The following PCA3 variants were observed in gnomAD, a reference collection of about 807,000 sequenced individuals.
PCA3 encodes Differential Display code 3.
At chr9:76,772,494 A>T (rs2053222433) in intron 2 of PCA3, among the ~76,000 whole-genome samples, 1 of 152,126 alleles carries the variant, frequency 6.6e-6, no homozygotes, top group African/African-American at 2.4e-5. Context: ...ACCAAAAATA[A>T]CCTTCTGTAG....
Position 76,764,742 on chromosome 9 carries a change from A to G in PCA3, n.852+28127A>G, listed in dbSNP as rs114644565. 2.0e-3 allele frequency among the ~76,000 whole-genome samples: 312 copies of G among 152,278 alleles called. 2 individuals carry two copies. Among genetic ancestry groups the G allele is most frequent in the African/African-American group, 7.3e-3 (305 of 41,558 alleles). ...CAGGGACACCAGTTAAGTTATTGCA[A>G]TGGTTAAGGTGAGAGGTGGTGGCTG... On this transcript the variant is annotated intron_variant and non_coding_transcript_variant, in intron 2 of 5. Coordinates refer to ENST00000644657, the Ensembl canonical transcript of PCA3.
chr9:76,765,116 C>A (rs561080235), intron 2 of PCA3, among the ~76,000 whole-genome samples: 2 of 152,144 alleles, frequency 1.3e-5, no homozygotes, highest in South Asian at 4.2e-4. Flanking sequence ...TTGTTGGGGG[C>A]GTGACATTAA....
At chr9:76,768,592 T>C (rs993737733) in intron 2 of PCA3, among the ~76,000 whole-genome samples, 9 of 115,156 alleles carry the variant, frequency 7.8e-5, no homozygotes, top group African/African-American at 3.7e-4. Flanking sequence ...TATGTGTGTG[T>C]GTGTGTGTGT....
At chr9:76,783,770 T>C (rs1242469928) in intron 2 of PCA3, 1 of 152,120 alleles carries the variant, frequency 6.6e-6, no homozygotes, top group Admixed American at 6.5e-5. Flanking sequence ...ATGGAGATAA[T>C]TAACATCACT....
At chr9:76,773,695 C>T (rs1184890368) in intron 2 of PCA3, among the ~76,000 whole-genome samples, 1 of 152,052 alleles carries the variant, frequency 6.6e-6, no homozygotes, top group East Asian at 1.9e-4. Flanking sequence ...CCACCTGACT[C>T]GGCCTCCCAA....
chr9:76,775,308 T>C (rs933825748), intron 2 of PCA3, among the ~76,000 whole-genome samples: 1 of 152,140 alleles, frequency 6.6e-6, no homozygotes, highest in Non-Finnish European at 1.5e-5. Flanking sequence ...CTTTGTCTTT[T>C]TTTTTTGAGA....
chr9:76,784,573 A>T (rs2054775284), intron 2 of PCA3: 1 of 152,192 alleles, frequency 6.6e-6, no homozygotes, highest in Non-Finnish European at 1.5e-5. Context: ...ATATCCAGCC[A>T]CACTCATTTT....
intron 2 of PCA3, among the ~76,000 whole-genome samples, chr9:76,773,503 G>GT (rs2053355255): frequency 6.8e-6 from 1 of 147,396 alleles, no homozygotes; most frequent in Non-Finnish European, 1.5e-5. Flanking sequence ...GAGTGCAGTG[G>GT]TGCAATCTTG....
At chr9:76,771,381 T>C (rs556178623) in intron 2 of PCA3, among the ~76,000 whole-genome samples, 8 of 152,280 alleles carry the variant, frequency 5.3e-5, no homozygotes, top group African/African-American at 1.7e-4. Flanking sequence ...CAAATATGAA[T>C]TATTTCTTCA....
intron 2 of PCA3, among the ~76,000 whole-genome samples, chr9:76,774,461 T>TTTTA (rs1564272749): frequency 1.7e-4 from 13 of 74,830 alleles, no homozygotes; most frequent in Non-Finnish European, 2.8e-4. Context: ...TTTTTTTTTT[T>TTTTA]TTTTTTTTTT....
chr9:76,786,998 G>C (rs1463652512), intron 2 of PCA3: 1 of 152,194 alleles, frequency 6.6e-6, no homozygotes, highest in African/African-American at 2.4e-5. Flanking sequence ...TCAGGAGCAA[G>C]ACCTGAGATG....
intron 2 of PCA3, among the ~76,000 whole-genome samples, chr9:76,776,228 C>T (rs1298664244): frequency 6.6e-6 from 1 of 152,142 alleles, no homozygotes; most frequent in African/African-American, 2.4e-5. Context: ...TTTAGTGTAG[C>T]CATCACCTGA....
intron 2 of PCA3, chr9:76,782,779 C>T (rs979266179): frequency 6.6e-6 from 1 of 152,228 alleles, no homozygotes; most frequent in African/African-American, 2.4e-5. Context: ...ATCGACGGCA[C>T]TTTCTGAGTA....
chr9:76,776,165 G>T (rs1455603467), intron 2 of PCA3, among the ~76,000 whole-genome samples: 1 of 152,048 alleles, frequency 6.6e-6, no homozygotes, highest in Non-Finnish European at 1.5e-5. Flanking sequence ...AATTTTAGGG[G>T]GTACAAGTGC....
intron 2 of PCA3, chr9:76,786,059 T>G (rs894881343): frequency 3.3e-5 from 5 of 152,154 alleles, no homozygotes; most frequent in Non-Finnish European, 5.9e-5. Context: ...AATACTTGCA[T>G]TAGGTCTCAG....
At chr9:76,765,484 A>C (rs1248044014) in intron 2 of PCA3, among the ~76,000 whole-genome samples, 1 of 152,250 alleles carries the variant, frequency 6.6e-6, no homozygotes, top group African/African-American at 2.4e-5. Flanking sequence ...GAAGGCATAC[A>C]GAATAGAGAC....
chr9:76,786,161 G>C lies in PCA3; in HGVS notation n.853-22422G>C, dbSNP rs556946931. 2.3e-4 allele frequency: 35 copies of C among 152,272 alleles called. 1 individual carries two copies. The highest frequency in any genetic ancestry group is 7.9e-4 in the African/African-American group (33 of 41,560). The allele number at this position is 152,272 out of a possible 1,614,324, so 9.4% of individuals were successfully genotyped here. A position where few individuals can be genotyped will look rare whatever the true frequency, so the allele number is the denominator to read the frequency against. ...CTCATCTTTTAGGAATCATTTACCAGGTTTGGAGAGGATTCAGACAGCTCA... is the reference window on the plus strand; with the variant it reads ...CTCATCTTTTAGGAATCATTTACCACGTTTGGAGAGGATTCAGACAGCTCA... On this transcript the variant is annotated intron_variant and non_coding_transcript_variant, in intron 2 of 5. Coordinates refer to ENST00000644657, the Ensembl canonical transcript of PCA3.
chr9:76,772,158 T>C (rs1589135688), intron 2 of PCA3, among the ~76,000 whole-genome samples: 1 of 152,092 alleles, frequency 6.6e-6, no homozygotes, highest in Admixed American at 6.6e-5. Context: ...TTTTTGTGTG[T>C]TGCTCGTTGT....
chr9:76,770,794 G>C (rs1384402388), intron 2 of PCA3, among the ~76,000 whole-genome samples: 3 of 152,100 alleles, frequency 2.0e-5, no homozygotes, highest in Non-Finnish European at 4.4e-5. Context: ...AAATAGCAAA[G>C]GGACAGTGGA....
Sources: allele counts gnomAD v4.1 joint callset (sites outside exome capture counted in the v4.1 genomes callset), GRCh38; gene constraint gnomAD v4.1.1; transcripts MANE v1.5; gene names NCBI Gene and HGNC (gene_info 2026-07-23, HGNC 2026-07-21).